Variants in SLC4A5 observed in about 807,000 individuals in gnomAD.
SLC4A5 encodes solute carrier family 4 member 5, also known as electrogenic sodium bicarbonate cotransporter 4.
SLC4A5 carries 96 observed loss-of-function variants against 120.4 expected under a neutral mutation model. The observed-to-expected ratio is 0.80, with a 90% CI of 0.68 to 0.94. SLC4A5 has a LOEUF of 0.94. Among genes scored for constraint, SLC4A5 ranks in the 40% least tolerant of loss-of-function variants. SLC4A5 has a pLI of 0.00. For missense variants in SLC4A5, 1,259 were observed against 1,459.5 expected, an observed-to-expected ratio of 0.86 and a Z score of 2.24; for synonymous variants, 550 against 571.1, an observed-to-expected ratio of 0.96 and a Z score of 0.53.
chr2:74,308,946 A>C (rs1672729267), intron 6 of SLC4A5, among the ~76,000 whole-genome samples: 1 of 150,504 alleles, frequency 6.6e-6, no homozygotes, highest in Non-Finnish European at 1.5e-5. Context: ...ACAGAGTCTT[A>C]CTCTGTCATC....
intron 5 of SLC4A5, among the ~76,000 whole-genome samples, chr2:74,316,270 T>A (rs564431354): frequency 7.3e-5 from 9 of 123,704 alleles, no homozygotes; most frequent in South Asian, 5.1e-4. Context: ...GACACCACAA[T>A]CAGTCATGTA....
At chr2:74,247,328 G>A (rs761113958) in intron 18 of SLC4A5, 21 bp from the exon 19 acceptor site, 2 of 1,604,368 alleles carry the variant, frequency 1.2e-6, no homozygotes, top group East Asian at 2.2e-5. Context: ...GAGGGGAGGT[G>A]AGGGGCCTCC....
At chr2:74,251,196 A>G (rs1185079299) in intron 16 of SLC4A5, among the ~76,000 whole-genome samples, 1 of 151,946 alleles carries the variant, frequency 6.6e-6, no homozygotes, top group Non-Finnish European at 1.5e-5. Context: ...TGCGAGTAGC[A>G]TCTCCCCTCT....
intron 23 of SLC4A5, 21 bp downstream of exon 23, chr2:74,233,381 T>G: frequency 6.2e-7 from 1 of 1,613,974 alleles, no homozygotes; most frequent in Non-Finnish European, 8.5e-7. Context: ...GTTATGCCTC[T>G]GCTCCTAGTA....
intron 20 of SLC4A5, among the ~76,000 whole-genome samples, chr2:74,240,840 C>A (rs1478931462): frequency 6.6e-6 from 1 of 151,918 alleles, no homozygotes; most frequent in Non-Finnish European, 1.5e-5. Context: ...GTAGGCAGAG[C>A]AGTCAATTGC....
chr2:74,303,880 C>T (rs1361858733), intron 7 of SLC4A5, among the ~76,000 whole-genome samples: 4 of 149,702 alleles, frequency 2.7e-5, no homozygotes, highest in African/African-American at 7.4e-5. Context: ...GACGGAGTCT[C>T]GCTCTGTCGC....
rs577772471 is a variant in SLC4A5, at chr2:74,253,250, C to T, written c.1114-122G>A. 3 of 1,223,702 alleles carry T rather than the reference C, an allele frequency of 2.5e-6. No individual in the cohort carries two copies. In the South Asian group the frequency reaches 4.1e-5, roughly 17 times the overall value. The allele number at this position is 1,223,702 out of a possible 1,614,324, so 75.8% of individuals were successfully genotyped here. ...CCACATCTCCCACTGCCAACTCACTCTCAGTTTTTGGAATGAGACTATAGT... is the reference window on the plus strand; with the variant it reads ...CCACATCTCCCACTGCCAACTCACTTTCAGTTTTTGGAATGAGACTATAGT... On this transcript the variant is annotated intron_variant, in intron 14 of 30. Coordinates refer to ENST00000394019, the Ensembl canonical transcript of SLC4A5.
chr2:74,267,922 T>C (rs909748423), intron 8 of SLC4A5, among the ~76,000 whole-genome samples: 2 of 151,656 alleles, frequency 1.3e-5, no homozygotes, highest in South Asian at 2.1e-4. Flanking sequence ...AAGGCAGAGG[T>C]TGCAGTGAGC....
intron 8 of SLC4A5, among the ~76,000 whole-genome samples, chr2:74,270,726 A>T (rs972196124): frequency 3.3e-5 from 5 of 152,314 alleles, no homozygotes; most frequent in Non-Finnish European, 7.4e-5. Context: ...CCCCACCAGG[A>T]GGGTGACCCT....
At chr2:74,316,822 C>T (rs1672980487) in intron 5 of SLC4A5, among the ~76,000 whole-genome samples, 1 of 152,204 alleles carries the variant, frequency 6.6e-6, no homozygotes, top group South Asian at 2.1e-4. Flanking sequence ...GGACAAAAGA[C>T]TGACTTTAGT....
At chr2:74,265,490 G>A (rs1671275277) in intron 8 of SLC4A5, among the ~76,000 whole-genome samples, 1 of 152,240 alleles carries the variant, frequency 6.6e-6, no homozygotes, top group Admixed American at 6.5e-5. Context: ...GTATACAGGG[G>A]CATGAGGGAT....
intron 8 of SLC4A5, among the ~76,000 whole-genome samples, chr2:74,272,392 C>T (rs1671502721): frequency 6.6e-6 from 1 of 152,174 alleles, no homozygotes; most frequent in Non-Finnish European, 1.5e-5. Flanking sequence ...TGGTCAAAGC[C>T]AAGTTTAAAA....
At chr2:74,276,818 C>T (rs1573053131) in intron 8 of SLC4A5, among the ~76,000 whole-genome samples, 1 of 151,508 alleles carries the variant, frequency 6.6e-6, no homozygotes, top group African/African-American at 2.4e-5. Flanking sequence ...TTGGACAGAT[C>T]AGATTCTCCA....
chr2:74,305,447 C>T (rs185849717), intron 6 of SLC4A5, among the ~76,000 whole-genome samples: 2 of 152,264 alleles, frequency 1.3e-5, no homozygotes, highest in East Asian at 1.9e-4. Context: ...CCTAATCCTA[C>T]CTCTGCCCCT....
intron 16 of SLC4A5, 32 bp from the exon 17 acceptor site, chr2:74,250,549 C>T (rs371970001): frequency 2.7e-5 from 44 of 1,611,954 alleles, no homozygotes; most frequent in Non-Finnish European, 3.5e-5. Context: ...GCTGCTTTCT[C>T]ACCACTAACA....
chr2:74,305,314 G>C (rs1366291175), intron 6 of SLC4A5, among the ~76,000 whole-genome samples: 17 of 152,162 alleles, frequency 1.1e-4, no homozygotes, highest in Non-Finnish European at 1.8e-4. Context: ...ATTGCTATCA[G>C]TTTAACATCA....
chr2:74,286,878 G>A (rs1054718418), intron 7 of SLC4A5, among the ~76,000 whole-genome samples: 2 of 152,166 alleles, frequency 1.3e-5, no homozygotes, highest in Non-Finnish European at 2.9e-5. Context: ...ACGTGCTGGT[G>A]AGTGTGGTTC....
intron 2 of SLC4A5, chr2:74,339,723 G>A (rs573465129): frequency 6.6e-6 from 1 of 152,308 alleles, no homozygotes; most frequent in East Asian, 1.9e-4. Flanking sequence ...TGAAAACCAG[G>A]ATTCAAACAG....
At chr2:74,325,944 G>A (rs1189643607) in intron 5 of SLC4A5, among the ~76,000 whole-genome samples, 3 of 151,528 alleles carry the variant, frequency 2.0e-5, no homozygotes, top group Non-Finnish European at 4.4e-5. Context: ...GAAGGGAGAA[G>A]GAAGGGAGAA....
Sources: allele counts gnomAD v4.1 joint callset (sites outside exome capture counted in the v4.1 genomes callset), GRCh38; gene constraint gnomAD v4.1.1; transcripts MANE v1.5; gene names NCBI Gene and HGNC (gene_info 2026-07-23, HGNC 2026-07-21).